Variants in SVEP1 observed in about 807,000 individuals in gnomAD.
The protein encoded by SVEP1 is sushi, von Willebrand factor type A, EGF and pentraxin domain containing 1, also known as sushi, von Willebrand factor type A, EGF and pentraxin domain-containing protein 1.
In SVEP1, 164 loss-of-function variants were observed where a neutral mutation model predicts 367.3. The observed-to-expected ratio is 0.45, with a 90% CI of 0.39 to 0.51. The LOEUF (loss-of-function observed/expected upper bound fraction) is 0.51, where lower values mean the gene tolerates loss of function less well. Ranked by LOEUF, SVEP1 falls within the 20% of genes least tolerant of loss-of-function variation. The probability of loss-of-function intolerance (pLI) is 0.00; values close to 1 mark genes in which losing one functional copy is unlikely to be tolerated. For missense variants in SVEP1, 4,117 were observed against 4,425.3 expected, an observed-to-expected ratio of 0.93 and a Z score of 1.98; for synonymous variants, 1,666 against 1,611.6, an observed-to-expected ratio of 1.03 and a Z score of -0.81.
chr9:110,374,593 T>C (rs1373020376), intron 46 of SVEP1, among the ~76,000 whole-genome samples: 5 of 152,142 alleles, frequency 3.3e-5, no homozygotes. Context: ...GAGGTTTCAG[T>C]GAGTCAAGAT....
intron 40 of SVEP1, among the ~76,000 whole-genome samples, chr9:110,393,485 T>G (rs1827700643): frequency 6.6e-6 from 1 of 152,160 alleles, no homozygotes; most frequent in African/African-American, 2.4e-5. Flanking sequence ...CCAACTGAGG[T>G]ACCGGGTTCA....
intron 22 of SVEP1, among the ~76,000 whole-genome samples, chr9:110,452,405 A>G (rs1206085779): frequency 6.6e-6 from 1 of 152,208 alleles, no homozygotes; most frequent in Non-Finnish European, 1.5e-5. Flanking sequence ...TGTCGCTAAT[A>G]TGAGATTTGG....
At chr9:110,503,610 A>G (rs555413981) in intron 5 of SVEP1, among the ~76,000 whole-genome samples, 2 of 152,338 alleles carry the variant, frequency 1.3e-5, no homozygotes, top group African/African-American at 4.8e-5. Flanking sequence ...TTTCCAGGAC[A>G]GAGTTTTCAG....
chr9:110,560,870 G>GT (rs1176000191), intron 1 of SVEP1, among the ~76,000 whole-genome samples: 1 of 152,108 alleles, frequency 6.6e-6, no homozygotes, highest in Non-Finnish European at 1.5e-5. Flanking sequence ...AAAATCAAGA[G>GT]TTGTTTTAAA....
chr9:110,379,336 T>C lies in SVEP1; in HGVS notation c.10408+11A>G. On this transcript the variant is annotated intron_variant, in intron 44 of 47. Transcript: ENST00000374469. ...TTTCACTAAGAAATAACCATTCAAATATTTCCTTACCTCTGCAAATAGGAG... is the reference window on the plus strand; with the variant it reads ...TTTCACTAAGAAATAACCATTCAAACATTTCCTTACCTCTGCAAATAGGAG... 6.2e-7 allele frequency: 1 copy of C among 1,612,074 alleles called. No homozygotes were observed. Among genetic ancestry groups the C allele is most frequent in the East Asian group, 2.2e-5 (1 of 44,822 alleles).
intron 41 of SVEP1, among the ~76,000 whole-genome samples, chr9:110,388,049 T>C (rs1564126365): frequency 6.6e-6 from 1 of 152,186 alleles, no homozygotes. Context: ...CATGTAACAG[T>C]TGGCAAAAAG....
chr9:110,368,060 G>A (rs575326473), intron 47 of SVEP1, among the ~76,000 whole-genome samples: 22 of 152,072 alleles, frequency 1.4e-4, no homozygotes, highest in Admixed American at 1.3e-4. Context: ...CTGGGCATCT[G>A]AGTGAGACTC....
chr9:110,428,938 C>T (rs947803744), intron 35 of SVEP1, among the ~76,000 whole-genome samples: 4 of 152,102 alleles, frequency 2.6e-5, no homozygotes, highest in South Asian at 2.1e-4. Flanking sequence ...GGCATAGTGA[C>T]GCACACCTGT....
intron 6 of SVEP1, among the ~76,000 whole-genome samples, chr9:110,502,396 C>T (rs1829548410): frequency 1.3e-5 from 2 of 152,012 alleles, no homozygotes; most frequent in Admixed American, 1.3e-4. Context: ...GCCACCTTGC[C>T]CGGCCAGAAA....
chr9:110,374,765 C>A (rs1392433800), intron 46 of SVEP1, among the ~76,000 whole-genome samples: 1 of 152,140 alleles, frequency 6.6e-6, no homozygotes, highest in Non-Finnish European at 1.5e-5. Context: ...GAAAGCAGTA[C>A]GGCGATTCCT....
chr9:110,484,787 A>G (rs536491754), intron 9 of SVEP1, among the ~76,000 whole-genome samples: 2 of 152,322 alleles, frequency 1.3e-5, no homozygotes, highest in East Asian at 3.9e-4. Context: ...ATGAACAGAC[A>G]CTTTTCAAAA....
At chr9:110,370,866 C>T (rs992268526) in intron 46 of SVEP1, among the ~76,000 whole-genome samples, 5 of 152,216 alleles carry the variant, frequency 3.3e-5, no homozygotes, top group African/African-American at 1.2e-4. Context: ...ATTCCAATAT[C>T]TGTAGCACAG....
chr9:110,554,640 G>C (rs1032523950), intron 1 of SVEP1, among the ~76,000 whole-genome samples: 4 of 151,918 alleles, frequency 2.6e-5, no homozygotes, highest in Non-Finnish European at 5.9e-5. Context: ...GCAAAATAAA[G>C]GTCATTTTGA....
At position 110,398,139 on chromosome 9, in the gene SVEP1, CAG is replaced by C. The variant is rs1167326111; in HGVS notation, c.9822+2713_9822+2714del. On this transcript the variant is annotated intron_variant, in intron 40 of 47. Coordinates refer to ENST00000374469, the MANE Select transcript of SVEP1 (RefSeq NM_153366.4). ...AAACAGCATGGTACTGATACCAAAA[CAG>C]AGATATAGACCAATGGAACAGAACA... Among the ~76,000 whole-genome samples the C allele has an allele frequency of 3.9e-5, 6 of 152,120 alleles. No homozygotes were observed. The South Asian group carries it at 1.0e-3, about 26-fold the overall frequency.
intron 1 of SVEP1, among the ~76,000 whole-genome samples, chr9:110,566,255 G>A (rs1244456394): frequency 6.6e-6 from 1 of 151,906 alleles, no homozygotes; most frequent in Non-Finnish European, 1.5e-5. Context: ...CTGGGAAGTT[G>A]AGGCTGCAGT....
chr9:110,466,935 TAGA>T (rs774627787), intron 17 of SVEP1, among the ~76,000 whole-genome samples: 44 of 152,190 alleles, frequency 2.9e-4, no homozygotes, highest in Admixed American at 1.5e-3. Context: ...GGATGATTTG[TAGA>T]AGAACAGGAC....
intron 1 of SVEP1, among the ~76,000 whole-genome samples, chr9:110,568,079 T>C (rs1324366647): frequency 2.6e-5 from 4 of 152,232 alleles, no homozygotes; most frequent in South Asian, 2.1e-4. Context: ...TATGGTGCTG[T>C]TGGCTAGCTT....
intron 43 of SVEP1, among the ~76,000 whole-genome samples, chr9:110,380,339 C>T (rs776643345): frequency 4.6e-5 from 7 of 151,940 alleles, no homozygotes; most frequent in South Asian, 2.1e-4. Context: ...CCTTATAAGC[C>T]GGCGTCTAAA....
At chr9:110,576,789 T>C (rs1305566398) in intron 1 of SVEP1, among the ~76,000 whole-genome samples, 1 of 152,112 alleles carries the variant, frequency 6.6e-6, no homozygotes. Context: ...ATCTACAACT[T>C]TGTTAAAGAT....
Sources: gnomAD v4.1 joint callset for allele counts (sites outside exome capture counted in the v4.1 genomes callset) on GRCh38, gnomAD v4.1.1 for gene constraint, MANE v1.5 for transcripts, NCBI Gene and HGNC (gene_info 2026-07-23, HGNC 2026-07-21) for gene names.